TNS1: variants seen among roughly 807,000 people sequenced by gnomAD.
TNS1 encodes the protein tensin-1.
A neutral mutation model predicts 168.6 loss-of-function variants in TNS1; 62 were observed. The ratio of observed to expected loss-of-function variants is 0.37; its 90% CI spans 0.30 to 0.45. The LOEUF (loss-of-function observed/expected upper bound fraction) is 0.45. Among genes scored for constraint, TNS1 ranks in the 20% least tolerant of loss-of-function variants. The pLI, the probability that TNS1 is intolerant of heterozygous loss-of-function variation, is 1.00. For missense variants in TNS1, 2,240 were observed against 2,339.4 expected, an observed-to-expected ratio of 0.96 and a Z score of 0.88; for synonymous variants, 934 against 933.2, an observed-to-expected ratio of 1.00 and a Z score of -0.02.
intron 18 of TNS1, among the ~76,000 whole-genome samples, chr2:217,868,087 C>A (rs934269161): frequency 6.6e-6 from 1 of 152,250 alleles, no homozygotes; most frequent in Non-Finnish European, 1.5e-5. Context: ...GTGGCCGGTA[C>A]AGAGTAAGCA....
intron 23 of TNS1, among the ~76,000 whole-genome samples, chr2:217,819,863 A>G (rs186030453): frequency 6.6e-6 from 1 of 152,268 alleles, no homozygotes; most frequent in East Asian, 1.9e-4. Context: ...TACTTAGCCA[A>G]TGGGCCAAAA....
At chr2:218,003,105 C>G (rs1056157803), upstream of TNS1, 1 of 373,436 alleles carries the variant, frequency 2.7e-6, no homozygotes, top group East Asian at 7.3e-5. Flanking sequence ...CAGGCTCCAC[C>G]GGTGGCCTTG....
intron 19 of TNS1, chr2:217,841,098 A>T (rs1252158095): frequency 2.3e-6 from 1 of 439,382 alleles, no homozygotes; most frequent in Admixed American, 6.4e-5. Flanking sequence ...GGTGGGAAAG[A>T]TTTGGAAGGA....
chr2:218,012,595 C>G (rs1419923094), upstream of TNS1, among the ~76,000 whole-genome samples: 1 of 152,186 alleles, frequency 6.6e-6, no homozygotes, highest in Non-Finnish European at 1.5e-5. Context: ...AGGCCTGCCA[C>G]TGCCTGGAGG....
chr2:217,863,286 G>A (rs1948960189), intron 18 of TNS1, among the ~76,000 whole-genome samples: 1 of 152,020 alleles, frequency 6.6e-6, no homozygotes, highest in South Asian at 2.1e-4. Context: ...GAGGTTAGAG[G>A]AAAGAGGAGC....
chr2:217,944,425 A>G (rs1957051285), intron 3 of TNS1, among the ~76,000 whole-genome samples: 1 of 152,154 alleles, frequency 6.6e-6, no homozygotes, highest in South Asian at 2.1e-4. Context: ...AGGTGCAGAG[A>G]AATGGCCAAA....
chr2:217,918,130 G>A (rs928414548), intron 4 of TNS1, among the ~76,000 whole-genome samples: 13 of 152,178 alleles, frequency 8.5e-5, no homozygotes, highest in African/African-American at 3.1e-4. Flanking sequence ...CAGTGAGGTG[G>A]GCCAGCATTG....
chr2:217,829,072 C>A (rs1944019910), intron 22 of TNS1, among the ~76,000 whole-genome samples: 1 of 152,130 alleles, frequency 6.6e-6, no homozygotes, highest in Admixed American at 6.5e-5. Flanking sequence ...CAGGGCAGCA[C>A]CCACAACAAA....
intron 12 of TNS1, among the ~76,000 whole-genome samples, chr2:217,888,107 G>T (rs1951385637): frequency 6.6e-6 from 1 of 152,222 alleles, no homozygotes; most frequent in Non-Finnish European, 1.5e-5. Context: ...AATCTGATGG[G>T]CAGCACCCGA....
intron 18 of TNS1, chr2:217,850,170 C>G (rs1011739282): frequency 1.0e-6 from 1 of 985,368 alleles, no homozygotes; most frequent in Non-Finnish European, 1.2e-6. Flanking sequence ...TCTGCAAAGA[C>G]GAGCATCCTG....
At chr2:217,866,598 A>G (rs1949297029) in intron 18 of TNS1, among the ~76,000 whole-genome samples, 1 of 152,184 alleles carries the variant, frequency 6.6e-6, no homozygotes, top group African/African-American at 2.4e-5. Context: ...TTCATCAGTG[A>G]AATGCTGAAA....
At chr2:217,829,701 G>A (rs577144521) in intron 22 of TNS1, 196 of 919,678 alleles carry the variant, frequency 2.1e-4, no homozygotes, top group East Asian at 4.8e-4. Context: ...ATCACCAAGC[G>A]TTGGGGGACA....
intron 21 of TNS1, among the ~76,000 whole-genome samples, chr2:217,834,254 C>T (rs1944865196): frequency 6.6e-6 from 1 of 152,230 alleles, no homozygotes; most frequent in South Asian, 2.1e-4. Flanking sequence ...GGGGAATGCA[C>T]AGCCAGCTCC....
intron 18 of TNS1, among the ~76,000 whole-genome samples, chr2:217,860,145 T>C (rs1270995592): frequency 6.6e-6 from 1 of 152,204 alleles, no homozygotes; most frequent in Non-Finnish European, 1.5e-5. Context: ...ACAGCGAGAT[T>C]GGGAGGGAAA....
At chr2:217,956,851 T>A (rs780989367) in intron 3 of TNS1, among the ~76,000 whole-genome samples, 3 of 152,078 alleles carry the variant, frequency 2.0e-5, no homozygotes, top group Non-Finnish European at 4.4e-5. Flanking sequence ...TGGCCTCAGT[T>A]TCCTGGAAGA....
chr2:217,832,638 A>C (rs796135694), intron 21 of TNS1, among the ~76,000 whole-genome samples: 13 of 152,300 alleles, frequency 8.5e-5, no homozygotes, highest in African/African-American at 3.1e-4. Context: ...CCCAAAAGAC[A>C]GTCAGACCTA....
intron 19 of TNS1, among the ~76,000 whole-genome samples, chr2:217,839,684 T>C (rs764180534): frequency 6.6e-6 from 1 of 152,070 alleles, no homozygotes; most frequent in Admixed American, 6.5e-5. Context: ...ACGTGACGAG[T>C]ACCCTGGTGT....
intron 1 of TNS1, chr2:218,010,085 G>A (rs1958692384): frequency 2.5e-6 from 1 of 399,012 alleles, no homozygotes; most frequent in Non-Finnish European, 4.4e-6. Flanking sequence ...GCCAGGTGTG[G>A]CCGAGAGCAT....
In TNS1 at chr2:217,801,122, T is replaced by C. The variant is rs1937423290; in HGVS notation, c.*3337A>G. 6.6e-6 allele frequency: 1 copy of C among 152,142 alleles called. No individual in the cohort carries two copies. The highest frequency in any genetic ancestry group is 1.5e-5 in the Non-Finnish European group (1 of 68,050). The allele number at this position is 152,142 out of a possible 1,614,324, so 9.4% of individuals were successfully genotyped here. On this transcript the variant is annotated 3_prime_UTR_variant, in exon 33 of 33. Coordinates refer to ENST00000682258, the MANE Select transcript of TNS1 (RefSeq NM_001387777.1). ...CTTTCAGAGCTACTGGAGGAGACGC[T>C]CAGATGACATGGGTCAAAGGCCTTT...
Sources: gnomAD v4.1 joint callset for allele counts (sites outside exome capture counted in the v4.1 genomes callset) on GRCh38, gnomAD v4.1.1 for gene constraint, MANE v1.5 for transcripts, NCBI Gene and HGNC (gene_info 2026-07-23, HGNC 2026-07-21) for gene names.